Variants in LANCL1 observed in about 807,000 individuals in gnomAD.
LANCL1 encodes the protein glutathione S-transferase LANCL1.
A neutral mutation model predicts 50.6 loss-of-function variants in LANCL1; 50 were observed. That is an observed-to-expected ratio of 0.99 (90% confidence interval 0.79 to 1.25). The LOEUF is 1.25. Among genes scored for constraint, LANCL1 ranks in the 50% most tolerant of loss-of-function variants. The pLI is 0.00. For synonymous variants in LANCL1, 188 were observed against 178.6 expected (o/e 1.05, Z -0.42); for missense variants, 532 against 480.7 (o/e 1.11, Z -1.00).
At chr2:210,442,559 T>C (rs1278079597) in intron 4 of LANCL1, 2 of 152,218 alleles carry the variant, frequency 1.3e-5, no homozygotes. Context: ...GGAGCAAGCA[T>C]GCTCTGCACC....
rs1559703750 is a variant in LANCL1, at chr2:210,434,541, G to T, written c.1146C>A (p.Phe382Leu). The T allele has an allele frequency of 1.2e-6, 2 of 1,613,426 alleles. No homozygotes were observed. Among genetic ancestry groups the T allele is most frequent in the East Asian group, 4.5e-5 (2 of 44,866 alleles). Reference protein sequence around the residue: ...LFEGMAGTIYFLADLLVPTKA... With the variant: ...LFEGMAGTIYLLADLLVPTKA... Reference sequence around the variant, plus strand: ...TTGTGGGGACTAGCAGGTCAGCCAGGAAATATATTGTTCCAGCCATTCCTG... The same window carrying T: ...TTGTGGGGACTAGCAGGTCAGCCAGTAAATATATTGTTCCAGCCATTCCTG... The change falls in exon 10 of 10, where the codon TTC becomes TTA. Residue 382 changes from phenylalanine to leucine, a missense_variant. Physicochemically the swap from Phe to Leu is conservative, Grantham distance 22. Coordinates refer to ENST00000450366, the MANE Select transcript of LANCL1 (RefSeq NM_006055.3).
intron 4 of LANCL1, among the ~76,000 whole-genome samples, chr2:210,453,687 C>T (rs1001475984): frequency 2.6e-5 from 4 of 152,104 alleles, no homozygotes; most frequent in African/African-American, 9.7e-5. Context: ...TTGTGGACCT[C>T]TAAAGCAGTT....
intron 6 of LANCL1, 53 bp downstream of exon 6, chr2:210,440,545 T>C (rs536228089): frequency 4.7e-6 from 7 of 1,494,230 alleles, no homozygotes; most frequent in South Asian, 2.5e-5. Flanking sequence ...TCACCCATGA[T>C]AGTACATGGG....
chr2:210,477,155 A>G (rs1196188449), upstream of LANCL1, among the ~76,000 whole-genome samples: 1 of 152,044 alleles, frequency 6.6e-6, no homozygotes, highest in African/African-American at 2.4e-5. Flanking sequence ...TTCTTAAAAC[A>G]AACAAACAAA....
intron 4 of LANCL1, among the ~76,000 whole-genome samples, chr2:210,448,681 T>C (rs544778591): frequency 5.5e-4 from 84 of 152,254 alleles, no homozygotes; most frequent in African/African-American, 2.0e-3. Flanking sequence ...ATATCATCAC[T>C]GATCCCACAG....
intron 5 of LANCL1, 24 bp from the exon 6 acceptor site, chr2:210,440,768 A>G (rs750260340): frequency 6.9e-6 from 11 of 1,603,552 alleles, no homozygotes; most frequent in Non-Finnish European, 9.4e-6. Flanking sequence ...ACCAACCAAA[A>G]TAACAAGTTA....
At chr2:210,449,483 G>A (rs1171615742) in intron 4 of LANCL1, among the ~76,000 whole-genome samples, 1 of 152,130 alleles carries the variant, frequency 6.6e-6, no homozygotes, top group Non-Finnish European at 1.5e-5. Context: ...ATTCAACATA[G>A]TATTGGAAGT....
At chr2:210,460,633 C>A (rs945402234) in intron 3 of LANCL1, 5 of 152,190 alleles carry the variant, frequency 3.3e-5, no homozygotes, top group Non-Finnish European at 7.3e-5. Context: ...TCAACAAAAT[C>A]ACATTTGTCT....
chr2:210,465,050 T>C (rs1455240290), intron 3 of LANCL1, among the ~76,000 whole-genome samples: 1 of 152,018 alleles, frequency 6.6e-6, no homozygotes, highest in Non-Finnish European at 1.5e-5. Context: ...TCAAAAAATG[T>C]AAAGATGAAA....
At chr2:210,459,842 G>A (rs901264832) in intron 3 of LANCL1, among the ~76,000 whole-genome samples, 1 of 151,670 alleles carries the variant, frequency 6.6e-6, no homozygotes, top group Admixed American at 6.6e-5. Flanking sequence ...CGAAAGCTGT[G>A]AACTAGATTT....
rs1253957059 is a variant in LANCL1, at chr2:210,449,733, C to T, written c.407+5374G>A. Among the ~76,000 whole-genome samples, 6 of 152,288 alleles carry T rather than the reference C, an allele frequency of 3.9e-5. No homozygotes were observed. In the East Asian group the frequency reaches 1.2e-3, roughly 29 times the overall value. Reference sequence around the variant, plus strand: ...CAAAGAGCCAAATCATGGGTGAACTCCCATTCACAATTGTTACAAAGAGAA... The same window carrying T: ...CAAAGAGCCAAATCATGGGTGAACTTCCATTCACAATTGTTACAAAGAGAA... On this transcript the variant is annotated intron_variant, in intron 4 of 9. Transcript: ENST00000450366.
intron 3 of LANCL1, chr2:210,468,257 A>C (rs1465500754): frequency 6.6e-6 from 1 of 152,094 alleles, no homozygotes; most frequent in Non-Finnish European, 1.5e-5. Flanking sequence ...AACAAAGAAC[A>C]GATAAAATAT....
rs1344482112 is a variant in LANCL1, at chr2:210,434,418, A to C, written c.*69T>G. 4 of 1,170,770 alleles carry C rather than the reference A, an allele frequency of 3.4e-6. No homozygotes were observed. The highest frequency in any genetic ancestry group is 5.0e-6 in the Non-Finnish European group (4 of 806,852). 72.5% of individuals were successfully genotyped at this position (1,170,770 alleles called of 1,614,324 possible). A position where few individuals can be genotyped will look rare whatever the true frequency, so the allele number is the denominator to read the frequency against. ...TCTTTGTTTCCTTGGAAAGCAACGG[A>C]AGCACTTAGCTTGGGTTTGAATATA... On this transcript the variant is annotated 3_prime_UTR_variant, in exon 10 of 10. Coordinates refer to ENST00000450366, the MANE Select transcript of LANCL1 (RefSeq NM_006055.3).
At chr2:210,445,428 G>C (rs893076969) in intron 4 of LANCL1, among the ~76,000 whole-genome samples, 1 of 152,100 alleles carries the variant, frequency 6.6e-6, no homozygotes, top group Non-Finnish European at 1.5e-5. Flanking sequence ...ATACAGTATT[G>C]CTCAGAGCAT....
chr2:210,437,340 G>A (rs894515459), intron 7 of LANCL1, among the ~76,000 whole-genome samples: 1 of 152,094 alleles, frequency 6.6e-6, no homozygotes, highest in South Asian at 2.1e-4. Flanking sequence ...CAATTCATCT[G>A]TTGATGAATA....
At chr2:210,461,030 T>A (rs1443981487) in intron 3 of LANCL1, 1 of 152,190 alleles carries the variant, frequency 6.6e-6, no homozygotes, top group East Asian at 1.9e-4. Flanking sequence ...AATTGGGCAC[T>A]GTGCTAAGTG....
chr2:210,467,582 A>G lies in LANCL1; in HGVS notation c.199+4377T>C, dbSNP rs1694104305. ...GAACAGATTAAATGTAACACACAAA[A>G]TATGTGTTAATCAACTATTTATGTT... is the stretch of plus-strand genomic sequence containing the variant. On this transcript the variant is annotated intron_variant, in intron 3 of 9. Transcript: ENST00000450366. 2.0e-5 allele frequency among the ~76,000 whole-genome samples: 3 copies of G among 152,204 alleles called. No individual in the cohort carries two copies. The South Asian group carries it at 6.2e-4, about 31-fold the overall frequency.
At chr2:210,435,192 C>T (rs544613184) in intron 9 of LANCL1, among the ~76,000 whole-genome samples, 195 bp downstream of exon 9, 1 of 152,212 alleles carries the variant, frequency 6.6e-6, no homozygotes, top group East Asian at 1.9e-4. Flanking sequence ...AGGGAGTCAC[C>T]TGATGACTAC....
At chr2:210,435,063 T>A (rs1692878827) in intron 9 of LANCL1, among the ~76,000 whole-genome samples, 1 of 152,004 alleles carries the variant, frequency 6.6e-6, no homozygotes, top group Admixed American at 6.6e-5. Flanking sequence ...TTACCAAACA[T>A]AAGCTCCTGA....
Sources: gnomAD v4.1 joint callset for allele counts (sites outside exome capture counted in the v4.1 genomes callset) on GRCh38, gnomAD v4.1.1 for gene constraint, MANE v1.5 for transcripts, NCBI Gene and HGNC (gene_info 2026-07-23, HGNC 2026-07-21) for gene names.